HFM1: variants seen among roughly 807,000 people sequenced by gnomAD.
HFM1 encodes the protein probable ATP-dependent DNA helicase HFM1.
A neutral mutation model predicts 192.1 loss-of-function variants in HFM1; 169 were observed. That is an observed-to-expected ratio of 0.88 (90% CI 0.78 to 1.00). The LOEUF (loss-of-function observed/expected upper bound fraction) is 1.00. Ranked by LOEUF, HFM1 falls within the 50% of genes least tolerant of loss-of-function variation. The pLI is 0.00. For missense variants in HFM1, 1,661 were observed against 1,668.0 expected (o/e 1.00, Z 0.07); for synonymous variants, 525 against 537.8 (o/e 0.98, Z 0.33).
chr1:91,290,655 C>A (rs1032423739), intron 30 of HFM1, among the ~76,000 whole-genome samples: 10 of 152,088 alleles, frequency 6.6e-5, no homozygotes, highest in Non-Finnish European at 1.3e-4. Context: ...GACAGAAAGT[C>A]AACAAGGATA....
intron 23 of HFM1, among the ~76,000 whole-genome samples, chr1:91,321,662 C>T (rs1652133897): frequency 6.6e-6 from 1 of 152,124 alleles, no homozygotes; most frequent in African/African-American, 2.4e-5. Flanking sequence ...CCCTCCATCC[C>T]ACACGTACAC....
upstream of HFM1, among the ~76,000 whole-genome samples, chr1:91,406,713 C>T (rs1664827667): frequency 6.6e-6 from 1 of 152,174 alleles, no homozygotes; most frequent in Non-Finnish European, 1.5e-5. Flanking sequence ...TATAGTCTTC[C>T]CGGTCAACTT....
chr1:91,323,264 C>T (rs1652404229), intron 21 of HFM1, 65 bp from the exon 22 acceptor site: 2 of 868,578 alleles, frequency 2.3e-6, no homozygotes, highest in Non-Finnish European at 3.7e-6. Flanking sequence ...ATCCTTTCTC[C>T]AAATTTATTT....
chr1:91,353,192 A>G, intron 14 of HFM1, 40 bp from the exon 15 acceptor site: 1 of 1,557,658 alleles, frequency 6.4e-7, no homozygotes, highest in Non-Finnish European at 8.8e-7. Flanking sequence ...TTAATATTTC[A>G]TCAATAATTG....
intron 6 of HFM1, among the ~76,000 whole-genome samples, chr1:91,383,387 T>C (rs981303314): frequency 1.3e-5 from 2 of 152,082 alleles, no homozygotes; most frequent in African/African-American, 2.4e-5. Context: ...GAAAAGAAAA[T>C]GTGGCAGCAT....
chr1:91,366,840 G>A (rs1307862733), intron 13 of HFM1, among the ~76,000 whole-genome samples: 1 of 152,226 alleles, frequency 6.6e-6, no homozygotes, highest in African/African-American at 2.4e-5. Context: ...CAAGGGGTCA[G>A]GGAATTCCCT....
intron 30 of HFM1, among the ~76,000 whole-genome samples, chr1:91,309,200 T>C (rs1570900110): frequency 6.6e-6 from 1 of 152,230 alleles, no homozygotes; most frequent in African/African-American, 2.4e-5. Context: ...CTAATCATGC[T>C]GCTGCTCTCA....
At chr1:91,366,507 C>T (rs11165116) in intron 13 of HFM1, among the ~76,000 whole-genome samples, 5,993 of 152,312 alleles carry the variant, frequency 0.039, 217 homozygotes, top group East Asian at 0.13. Context: ...CTTACAGCCT[C>T]TCTACCCTAT....
intron 30 of HFM1, among the ~76,000 whole-genome samples, chr1:91,289,788 G>A (rs1308312109): frequency 1.3e-5 from 2 of 152,184 alleles, no homozygotes. Flanking sequence ...CAGGGAGGTT[G>A]CAGTGAGCCG....
At chr1:91,328,822 C>A in intron 20 of HFM1, 1 of 1,611,396 alleles carries the variant, frequency 6.2e-7, no homozygotes, top group Non-Finnish European at 8.5e-7. Context: ...TGCTGAGCCT[C>A]ATGGGCATCC....
chr1:91,315,583 G>A (rs921149315), intron 28 of HFM1, among the ~76,000 whole-genome samples: 1 of 152,128 alleles, frequency 6.6e-6, no homozygotes, highest in African/African-American at 2.4e-5. Flanking sequence ...TCAGATCATG[G>A]TGATAGATTT....
chr1:91,272,635 T>C (rs1666415560), intron 34 of HFM1, among the ~76,000 whole-genome samples: 1 of 151,982 alleles, frequency 6.6e-6, no homozygotes, highest in Non-Finnish European at 1.5e-5. Context: ...AAGATAAATA[T>C]AAGAAGGTTG....
chr1:91,402,522 C>T (rs527968881), intron 1 of HFM1, among the ~76,000 whole-genome samples: 6 of 151,860 alleles, frequency 4.0e-5, no homozygotes, highest in African/African-American at 7.3e-5. Context: ...TTTGACTATA[C>T]GAAAAATAGA....
intron 20 of HFM1, among the ~76,000 whole-genome samples, chr1:91,326,886 T>C (rs898901909): frequency 1.2e-4 from 19 of 152,070 alleles, no homozygotes; most frequent in African/African-American, 4.6e-4. Flanking sequence ...AAGTGTAGAG[T>C]GTCTATTAGT....
At chr1:91,388,800 TGGAC>T (rs1662563612) in intron 4 of HFM1, among the ~76,000 whole-genome samples, 1 of 152,150 alleles carries the variant, frequency 6.6e-6, no homozygotes, top group Admixed American at 6.5e-5. Context: ...TTAGATAAAC[TGGAC>T]TCTATCAAAA....
At chr1:91,267,933 A>T in intron 34 of HFM1, 78 bp from the exon 35 acceptor site, 1 of 759,098 alleles carries the variant, frequency 1.3e-6, no homozygotes, top group Non-Finnish European at 2.2e-6. Context: ...GTTGAAGAAC[A>T]CTGTTTGAGA....
At chr1:91,333,823 A>T (rs1344717212) in intron 20 of HFM1, among the ~76,000 whole-genome samples, 1 of 152,232 alleles carries the variant, frequency 6.6e-6, no homozygotes, top group Non-Finnish European at 1.5e-5. Flanking sequence ...CAGGCACAAA[A>T]GACATACCAA....
At chr1:91,310,612 C>T (rs1320542728) in intron 30 of HFM1, among the ~76,000 whole-genome samples, 3 of 152,176 alleles carry the variant, frequency 2.0e-5, no homozygotes, top group Non-Finnish European at 2.9e-5. Flanking sequence ...AGAATTCCCA[C>T]GTGTTGTGGA....
At chr1:91,336,223 TCTCC>T (rs936388803) in intron 20 of HFM1, among the ~76,000 whole-genome samples, 5 of 149,070 alleles carry the variant, frequency 3.4e-5, no homozygotes, top group Middle Eastern at 3.3e-3. Context: ...TCTATCTCTC[TCTCC>T]CTCCCTCCCT....
Sources: allele counts gnomAD v4.1 joint callset (sites outside exome capture counted in the v4.1 genomes callset), GRCh38; gene constraint gnomAD v4.1.1; transcripts MANE v1.5; gene names NCBI Gene and HGNC (gene_info 2026-07-23, HGNC 2026-07-21).